Variants in ABCG1 observed in about 807,000 individuals in gnomAD.
ABCG1 encodes the protein ATP-binding cassette sub-family G member 1.
In ABCG1, 29 loss-of-function variants were observed where a neutral mutation model predicts 69.2. The ratio of observed to expected loss-of-function variants is 0.42; its 90% confidence interval spans 0.31 to 0.57. The LOEUF is 0.57. Among genes scored for constraint, ABCG1 ranks in the 20% least tolerant of loss-of-function variants. The pLI is 0.15. For missense variants in ABCG1, 718 were observed against 898.1 expected (o/e 0.80, Z 2.56); for synonymous variants, 370 against 374.8 (o/e 0.99, Z 0.15).
intron 2 of ABCG1, among the ~76,000 whole-genome samples, chr21:42,231,135 G>C (rs1366755440): frequency 6.6e-6 from 1 of 152,238 alleles, no homozygotes; most frequent in East Asian, 1.9e-4. Flanking sequence ...TGTCCCTCTG[G>C]AGAGGCTCCA....
rs116551676 is a variant in ABCG1, at chr21:42,269,493, G to T, written c.287-1577G>T. Among the ~76,000 whole-genome samples, 965 of 152,290 alleles carry T rather than the reference G, an allele frequency of 6.3e-3. 15 individuals carry two copies. The highest frequency in any genetic ancestry group is 0.022 in the African/African-American group (907 of 41,556). ...ATTGTCATCCACAGTCCTATTGTAC[G>T]AGCTGGTTCACCCGCAGCTCTGAGC... On this transcript the variant is annotated intron_variant, in intron 2 of 14. Coordinates refer to ENST00000398449, the MANE Select transcript of ABCG1 (RefSeq NM_016818.3).
intron 1 of ABCG1, among the ~76,000 whole-genome samples, chr21:42,225,386 A>G (rs180956691): frequency 7.8e-4 from 119 of 152,332 alleles, no homozygotes; most frequent in African/African-American, 2.8e-3. Flanking sequence ...GAGGCAAGTG[A>G]TGATTCATGG....
intron 2 of ABCG1, among the ~76,000 whole-genome samples, chr21:42,253,457 A>C (rs1053377517): frequency 6.6e-6 from 1 of 152,214 alleles, no homozygotes. Flanking sequence ...GCCTCTGTCA[A>C]GAGCTGCTTT....
At chr21:42,202,120 C>T (rs1343137359) in intron 2 of ABCG1, among the ~76,000 whole-genome samples, 2 of 152,212 alleles carry the variant, frequency 1.3e-5, no homozygotes, top group African/African-American at 4.8e-5. Context: ...GGATGGATCC[C>T]CACCCCTGGA....
In ABCG1 at chr21:42,288,418, A is replaced by G. The variant is rs2068990244; in HGVS notation, c.1224+106A>G. 2.4e-6 allele frequency: 2 copies of G among 837,188 alleles called. No homozygotes were observed. The highest frequency in any genetic ancestry group is 2.7e-5 in the East Asian group (1 of 37,516). 51.9% of individuals were successfully genotyped at this position (837,188 alleles called of 1,614,324 possible). ...TTCATTCTCACATTGCTATAAAGAA[A>G]TTCATGAGGCCAGGCATGGTGACTC... is the stretch of plus-strand genomic sequence containing the variant. On this transcript the variant is annotated intron_variant, in intron 10 of 14. Coordinates refer to ENST00000398449, the MANE Select transcript of ABCG1 (RefSeq NM_016818.3). The surrounding 1 kb of genome is among the most constrained non-coding windows in gnomAD (Gnocchi z 4.8).
intron 2 of ABCG1, chr21:42,259,872 C>T: frequency 7.0e-7 from 1 of 1,437,508 alleles, no homozygotes. Context: ...AGGCCAATGG[C>T]AAAGGAGCAC....
chr21:42,201,729 G>A (rs770638104), intron 2 of ABCG1: 62 of 1,613,792 alleles, frequency 3.8e-5, no homozygotes, highest in Non-Finnish European at 5.0e-5. Context: ...CTCAGGTGTG[G>A]TCAGAAGAGA....
At chr21:42,268,362 G>GGTGTGTGT (rs1555957893) in intron 2 of ABCG1, among the ~76,000 whole-genome samples, 36,834 of 147,518 alleles carry the variant, frequency 0.25, 4,592 homozygotes, top group East Asian at 0.34. Context: ...TAGAGGTAGG[G>GGTGTGTGT]GTGTGTGTGT....
intron 4 of ABCG1, among the ~76,000 whole-genome samples, chr21:42,275,717 T>C (rs1456085498): frequency 6.6e-6 from 1 of 152,234 alleles, no homozygotes; most frequent in Non-Finnish European, 1.5e-5. Context: ...ATTTTCACAA[T>C]CAAATTCAGT....
intron 2 of ABCG1, among the ~76,000 whole-genome samples, chr21:42,242,641 T>C (rs534011275): frequency 6.6e-6 from 1 of 152,310 alleles, no homozygotes; most frequent in East Asian, 1.9e-4. Context: ...CTGGGTGACT[T>C]GGCTGCTGGA....
At chr21:42,254,448 G>A (rs1311027815) in intron 2 of ABCG1, among the ~76,000 whole-genome samples, 1 of 152,188 alleles carries the variant, frequency 6.6e-6, no homozygotes, top group Non-Finnish European at 1.5e-5. Context: ...CATTTTATGA[G>A]CAGTTCTTGC....
chr21:42,268,996 G>A (rs1279771688), intron 2 of ABCG1, among the ~76,000 whole-genome samples: 1 of 152,200 alleles, frequency 6.6e-6, no homozygotes, highest in African/African-American at 2.4e-5. Flanking sequence ...AGAAAGAGAG[G>A]TGGGCCCTGC....
chr21:42,228,995 G>A (rs926687872), intron 2 of ABCG1, among the ~76,000 whole-genome samples: 2 of 152,200 alleles, frequency 1.3e-5, no homozygotes, highest in Admixed American at 6.5e-5. Flanking sequence ...CACACGGGTC[G>A]CCACCCTCCT....
intron 1 of ABCG1, among the ~76,000 whole-genome samples, chr21:42,200,634 A>C (rs1367936869): frequency 1.4e-5 from 2 of 143,422 alleles, no homozygotes; most frequent in African/African-American, 5.3e-5. Flanking sequence ...CCTCTGTTGC[A>C]CTGGAGTGCA....
At chr21:42,205,859 T>C (rs368366425) in intron 2 of ABCG1, among the ~76,000 whole-genome samples, 9 of 152,354 alleles carry the variant, frequency 5.9e-5, no homozygotes, top group East Asian at 3.9e-4. Context: ...TTTAGTTGTG[T>C]CCCACAAATT....
chr21:42,276,701 T>C lies in ABCG1; in HGVS notation c.538-194T>C, dbSNP rs2068716794. On this transcript the variant is annotated intron_variant, in intron 4 of 14. Coordinates refer to ENST00000398449, the MANE Select transcript of ABCG1 (RefSeq NM_016818.3). This position sits in a 1 kb window ranked among gnomAD's most constrained non-coding sequence, Gnocchi z 5.3. Reference sequence around the variant, plus strand: ...CTGTGGATAGCTGCACCGTGACTAGTGGCACCGTGGCTAGCTGCACCGTGG... The same window carrying C: ...CTGTGGATAGCTGCACCGTGACTAGCGGCACCGTGGCTAGCTGCACCGTGG... 1 of 596,338 alleles carries C rather than the reference T, an allele frequency of 1.7e-6. No individual in the cohort carries two copies. The highest frequency in any genetic ancestry group is 3.0e-6 in the Non-Finnish European group (1 of 337,710). The allele number at this position is 596,338 out of a possible 1,614,324, so 36.9% of individuals were successfully genotyped here.
At chr21:42,222,015 G>A (rs2123505711) in intron 1 of ABCG1, among the ~76,000 whole-genome samples, 1 of 152,284 alleles carries the variant, frequency 6.6e-6, no homozygotes, top group South Asian at 2.1e-4. Flanking sequence ...TCCAAACAGG[G>A]TCTCTTTGGC....
chr21:42,200,623 C>T (rs2123457876), intron 1 of ABCG1, among the ~76,000 whole-genome samples: 1 of 144,568 alleles, frequency 6.9e-6, no homozygotes, highest in East Asian at 2.1e-4. Flanking sequence ...GACGGAGTCT[C>T]CCTCTGTTGC....
At chr21:42,265,838 C>T (rs185410068) in intron 2 of ABCG1, among the ~76,000 whole-genome samples, 224 of 152,298 alleles carry the variant, frequency 1.5e-3, no homozygotes, top group African/African-American at 5.1e-3. Context: ...GGTGTCCTGC[C>T]GGCCCTGGCC....
Sources: allele counts gnomAD v4.1 joint callset (sites outside exome capture counted in the v4.1 genomes callset), GRCh38; gene constraint gnomAD v4.1.1; non-coding constraint Gnocchi (gnomAD v3.1); transcripts MANE v1.5; gene names NCBI Gene and HGNC (gene_info 2026-07-23, HGNC 2026-07-21).